The following CCDC63 variants were observed in gnomAD, a reference collection of about 807,000 sequenced individuals.
CCDC63 encodes coiled-coil domain containing 63.
A neutral mutation model predicts 63.6 loss-of-function variants in CCDC63; 54 were observed. The ratio of observed to expected loss-of-function variants is 0.85; its 90% CI spans 0.68 to 1.07. The LOEUF (loss-of-function observed/expected upper bound fraction) is 1.07. Among genes scored for constraint, CCDC63 ranks in the 50% least tolerant of loss-of-function variants. The pLI is 0.00. For synonymous variants in CCDC63, 253 were observed against 266.1 expected, an observed-to-expected ratio of 0.95 and a Z score of 0.48; for missense variants, 637 against 689.6, an observed-to-expected ratio of 0.92 and a Z score of 0.86.
At chr12:110,894,551 TGGATGGCAGCAA>T (rs2071394607) in intron 9 of CCDC63, among the ~76,000 whole-genome samples, 1 of 152,198 alleles carries the variant, frequency 6.6e-6, no homozygotes, top group South Asian at 2.1e-4. Flanking sequence ...TCTAGGCCAC[TGGATGGCAGCAA>T]AGCACATGCT....
intron 5 of CCDC63, among the ~76,000 whole-genome samples, chr12:110,878,235 T>C (rs1020851797): frequency 2.0e-5 from 3 of 152,216 alleles, no homozygotes; most frequent in African/African-American, 7.2e-5. Flanking sequence ...TGCATATATG[T>C]ATACACACAT....
chr12:110,864,438 A>AAAAG (rs1555252852), intron 4 of CCDC63, among the ~76,000 whole-genome samples: 1 of 149,630 alleles, frequency 6.7e-6, no homozygotes. Flanking sequence ...AAAAAAAAAA[A>AAAAG]AGAGACTGGG....
At chr12:110,877,123 T>C (rs1566127268) in intron 5 of CCDC63, among the ~76,000 whole-genome samples, 1 of 152,176 alleles carries the variant, frequency 6.6e-6, no homozygotes, top group Non-Finnish European at 1.5e-5. Flanking sequence ...CAAGTTAACA[T>C]ATCTGTTATC....
At chr12:110,862,880 T>C (rs2070877136) in intron 4 of CCDC63, among the ~76,000 whole-genome samples, 1 of 151,864 alleles carries the variant, frequency 6.6e-6, no homozygotes, top group Admixed American at 6.6e-5. Flanking sequence ...CTCAGCCTCC[T>C]GAGTAGCTAA....
chr12:110,906,267 A>T (rs1008687850), intron 11 of CCDC63, among the ~76,000 whole-genome samples: 3 of 138,106 alleles, frequency 2.2e-5, no homozygotes, highest in Non-Finnish European at 3.1e-5. Flanking sequence ...GATATAAGAC[A>T]TGTGAGAGGG....
chr12:110,878,203 T>C (rs942697944), intron 5 of CCDC63, among the ~76,000 whole-genome samples: 6 of 152,112 alleles, frequency 3.9e-5, no homozygotes, highest in South Asian at 4.1e-4. Context: ...TATCCACATA[T>C]ACATACATAT....
intron 1 of CCDC63, among the ~76,000 whole-genome samples, chr12:110,847,624 A>G (rs1386847099): frequency 6.6e-6 from 1 of 152,192 alleles, no homozygotes; most frequent in East Asian, 1.9e-4. Context: ...TTAAAAAACA[A>G]AAAACAAAAC....
chr12:110,853,074 CATT>C, intron 2 of CCDC63, 111 bp downstream of exon 2: 1 of 1,200,490 alleles, frequency 8.3e-7, no homozygotes, highest in Non-Finnish European at 1.2e-6. Flanking sequence ...TGTGCTCACC[CATT>C]TTGTAGGTGG....
rs1462774877 is a variant in CCDC63, at chr12:110,881,103, C to A, written c.672-12C>A. ...GCCTCAGATGCTCAGGCTCTGTACT[C>A]CCTTTGCCCAGGGTGGAGGCCATGG... is the stretch of plus-strand genomic sequence containing the variant. On this transcript the variant is annotated splice_polypyrimidine_tract_variant and intron_variant, in intron 6 of 11. Transcript: ENST00000308208. The A allele has an allele frequency of 1.2e-6, 2 of 1,605,138 alleles. No individual in the cohort carries two copies. The highest frequency in any genetic ancestry group is 1.7e-6 in the Non-Finnish European group (2 of 1,176,256).
intron 3 of CCDC63, among the ~76,000 whole-genome samples, chr12:110,856,375 G>A (rs2070771002): frequency 6.6e-6 from 1 of 151,352 alleles, no homozygotes; most frequent in Non-Finnish European, 1.5e-5. Flanking sequence ...CATGAGCCAC[G>A]GCACCCTGAA....
chr12:110,884,551 T>C (rs2136705525), intron 8 of CCDC63, among the ~76,000 whole-genome samples: 1 of 152,296 alleles, frequency 6.6e-6, no homozygotes, highest in East Asian at 1.9e-4. Flanking sequence ...GGCTAATTTT[T>C]GTATTTTTTG....
intron 4 of CCDC63, among the ~76,000 whole-genome samples, chr12:110,865,404 ATTGT>A (rs1242458326): frequency 7.5e-6 from 1 of 133,122 alleles, no homozygotes; most frequent in Non-Finnish European, 1.5e-5. Context: ...TGGCCCATTT[ATTGT>A]TTAAGATTTC....
At chr12:110,899,661 C>T (rs1317369080) in intron 10 of CCDC63, among the ~76,000 whole-genome samples, 2 of 149,244 alleles carry the variant, frequency 1.3e-5, no homozygotes, top group South Asian at 2.1e-4. Context: ...GATTTTTGAT[C>T]GACAAAAATG....
intron 3 of CCDC63, among the ~76,000 whole-genome samples, chr12:110,854,498 T>C (rs977050383): frequency 6.6e-6 from 1 of 152,002 alleles, no homozygotes; most frequent in African/African-American, 2.4e-5. Context: ...TTTCACCACG[T>C]TGGCCAGGCT....
Position 110,867,333 on chromosome 12 carries a change from G to A in CCDC63, c.370-6509G>A, listed in dbSNP as rs1480838160. On this transcript the variant is annotated intron_variant, in intron 4 of 11. Transcript: ENST00000308208. ...GCGCCCCTCACCTCCCAGACGGGGC[G>A]GCTGGCCGGGTGGAGGGCTGACCCC... Among the ~76,000 whole-genome samples, 8 of 109,860 alleles carry A rather than the reference G, an allele frequency of 7.3e-5. No individual in the cohort carries two copies. The East Asian group carries it at 1.4e-3, about 20-fold the overall frequency. 72.1% of individuals were successfully genotyped at this position (109,860 alleles called of 152,430 possible).
intron 8 of CCDC63, among the ~76,000 whole-genome samples, chr12:110,887,502 T>A (rs2136711391): frequency 6.6e-6 from 1 of 151,918 alleles, no homozygotes; most frequent in African/African-American, 2.4e-5. Context: ...CACTGGTACA[T>A]AAAACATAGG....
chr12:110,860,690 A>T (rs2070842006), intron 4 of CCDC63, among the ~76,000 whole-genome samples: 1 of 152,078 alleles, frequency 6.6e-6, no homozygotes, highest in South Asian at 2.1e-4. Flanking sequence ...CCCAGGCTCA[A>T]CCAATTCTCC....
intron 7 of CCDC63, 26 bp downstream of exon 7, chr12:110,881,322 G>C (rs1452631593): frequency 6.2e-7 from 1 of 1,602,342 alleles, no homozygotes; most frequent in East Asian, 2.2e-5. Flanking sequence ...GCAAGCTTGT[G>C]CTCTCTCACT....
chr12:110,886,999 T>C (rs1213224793), intron 8 of CCDC63, among the ~76,000 whole-genome samples: 2 of 152,236 alleles, frequency 1.3e-5, no homozygotes, highest in Admixed American at 6.5e-5. Context: ...GCTCTGGTTC[T>C]CAGTCTCTCT....
Sources: allele counts gnomAD v4.1 joint callset (sites outside exome capture counted in the v4.1 genomes callset), GRCh38; gene constraint gnomAD v4.1.1; transcripts MANE v1.5; gene names NCBI Gene and HGNC (gene_info 2026-07-23, HGNC 2026-07-21).